Variants in XPR1 observed in about 807,000 individuals in gnomAD.
XPR1 encodes the protein solute carrier family 53 member 1.
XPR1 carries 28 observed loss-of-function variants against 87.5 expected under a neutral mutation model. The ratio of observed to expected loss-of-function variants is 0.32; its 90% CI spans 0.24 to 0.44. XPR1 has a LOEUF of 0.44. Among genes scored for constraint, XPR1 ranks in the 20% least tolerant of loss-of-function variants. XPR1 has a pLI of 1.00. For synonymous variants in XPR1, 300 were observed against 306.1 expected, an observed-to-expected ratio of 0.98 and a Z score of 0.21; for missense variants, 559 against 862.3, an observed-to-expected ratio of 0.65 and a Z score of 4.41.
chr1:180,826,170 T>G (rs1263948243), intron 9 of XPR1, among the ~76,000 whole-genome samples: 1 of 152,230 alleles, frequency 6.6e-6, no homozygotes, highest in African/African-American at 2.4e-5. Flanking sequence ...GAAATAAAAT[T>G]TCCTGCAAAA....
chr1:180,732,208 A>G (rs1343986718), intron 2 of XPR1, among the ~76,000 whole-genome samples: 1 of 151,676 alleles, frequency 6.6e-6, no homozygotes, highest in East Asian at 1.9e-4. Flanking sequence ...AAAAAAAAAA[A>G]AAGAAGTAAA....
chr1:180,685,422 A>T (rs145443087), intron 2 of XPR1, among the ~76,000 whole-genome samples: 3,091 of 152,278 alleles, frequency 0.02, 105 homozygotes, highest in African/African-American at 0.071. Context: ...ATCGATGTTC[A>T]TGAAGGATAT....
intron 7 of XPR1, among the ~76,000 whole-genome samples, chr1:180,813,520 A>T (rs188120705): frequency 3.3e-5 from 5 of 152,078 alleles, no homozygotes; most frequent in African/African-American, 1.2e-4. Context: ...AATTTTCTTG[A>T]TGCCTGGGCA....
chr1:180,769,069 G>GTTTT (rs151266690), intron 2 of XPR1, among the ~76,000 whole-genome samples: 2 of 150,794 alleles, frequency 1.3e-5, no homozygotes, highest in African/African-American at 4.9e-5. Flanking sequence ...ATCTATATCT[G>GTTTT]TTTTTTTTTA....
At chr1:180,718,018 A>T (rs185995560) in intron 2 of XPR1, among the ~76,000 whole-genome samples, 16 of 152,338 alleles carry the variant, frequency 1.1e-4, no homozygotes, top group African/African-American at 3.6e-4. Context: ...AGTTAATATA[A>T]TCTAAGGGTT....
chr1:180,776,510 A>G (rs1359774333), intron 2 of XPR1, among the ~76,000 whole-genome samples: 1 of 152,044 alleles, frequency 6.6e-6, no homozygotes, highest in Non-Finnish European at 1.5e-5. Flanking sequence ...AAGTCCTTGT[A>G]TTTTAAAATG....
At chr1:180,734,902 A>G (rs1658679226) in intron 2 of XPR1, among the ~76,000 whole-genome samples, 1 of 152,232 alleles carries the variant, frequency 6.6e-6, no homozygotes, top group South Asian at 2.1e-4. Flanking sequence ...TTGCCTTAGC[A>G]GCAAGGATGT....
chr1:180,801,384 C>T (rs562714944), intron 3 of XPR1, among the ~76,000 whole-genome samples: 14 of 152,108 alleles, frequency 9.2e-5, no homozygotes, highest in Admixed American at 2.0e-4. Flanking sequence ...AAAAGCAGGT[C>T]CCAGATGGGT....
intron 13 of XPR1, among the ~76,000 whole-genome samples, chr1:180,874,332 T>C (rs1395061409): frequency 3.3e-5 from 5 of 152,082 alleles, no homozygotes; most frequent in African/African-American, 1.2e-4. Context: ...TTTTTTGCAA[T>C]TTGGCAGTCT....
chr1:180,824,549 C>A (rs1303798383), intron 7 of XPR1, among the ~76,000 whole-genome samples: 1 of 152,044 alleles, frequency 6.6e-6, no homozygotes, highest in Non-Finnish European at 1.5e-5. Context: ...CCATTGCACT[C>A]CAGCCTGGCA....
chr1:180,808,361 A>C (rs941064987), intron 6 of XPR1, among the ~76,000 whole-genome samples: 2 of 152,222 alleles, frequency 1.3e-5, no homozygotes, highest in African/African-American at 4.8e-5. Flanking sequence ...ATCTAAATGA[A>C]AACTGGAAAC....
chr1:180,699,209 C>CTTTTTTTTTTTTT (rs1168669274), intron 2 of XPR1, among the ~76,000 whole-genome samples: 25 of 132,550 alleles, frequency 1.9e-4, no homozygotes, highest in Non-Finnish European at 2.9e-4. Context: ...TTTATTCTTT[C>CTTTTTTTTTTTTT]TTTTTTTTTT....
intron 2 of XPR1, among the ~76,000 whole-genome samples, chr1:180,783,451 A>G (rs1473104825): frequency 6.6e-6 from 1 of 152,058 alleles, no homozygotes; most frequent in Non-Finnish European, 1.5e-5. Context: ...ATAAGTGAAG[A>G]TAGCAAAATG....
At chr1:180,833,579 A>G (rs759772784) in intron 9 of XPR1, among the ~76,000 whole-genome samples, 1 of 152,220 alleles carries the variant, frequency 6.6e-6, no homozygotes, top group African/African-American at 2.4e-5. Flanking sequence ...ACAAAGATCA[A>G]AAGAGACAAG....
intron 1 of XPR1, among the ~76,000 whole-genome samples, chr1:180,650,737 A>G (rs1305295116): frequency 1.3e-5 from 2 of 152,140 alleles, no homozygotes; most frequent in African/African-American, 4.8e-5. Flanking sequence ...GCTGAAATTA[A>G]ATTTGTTGCA....
chr1:180,649,269 CA>C (rs59314765), intron 1 of XPR1, among the ~76,000 whole-genome samples: 182 of 140,358 alleles, frequency 1.3e-3, no homozygotes, highest in Admixed American at 1.5e-3. Flanking sequence ...ACTAAAAATA[CA>C]AAAAAAAAAA....
chr1:180,690,634 A>G (rs941905467), intron 2 of XPR1, among the ~76,000 whole-genome samples: 4 of 151,954 alleles, frequency 2.6e-5, no homozygotes, highest in African/African-American at 4.8e-5. Flanking sequence ...TAGTCACTTT[A>G]TATTGCTTCA....
rs1318764656 is a variant in XPR1 at position 180,824,931 on chromosome 1, A to G, written c.942A>G (p.Gln314=). 6 of 1,613,670 alleles carry G rather than the reference A, an allele frequency of 3.7e-6. No homozygotes were observed. The highest frequency in any genetic ancestry group is 2.7e-5 in the African/African-American group (2 of 74,896). The change falls in exon 8 of 15, where the codon CAA becomes CAG. Residue 314 remains glutamine, a synonymous_variant. Coordinates refer to ENST00000367590, the MANE Select transcript of XPR1 (RefSeq NM_004736.4). ...ATCCGAGAAGCAATTTGTCTCATCAACATCTCTTTGAGGTAATCAAAGCAA... is the reference window on the plus strand; with the variant it reads ...ATCCGAGAAGCAATTTGTCTCATCAGCATCTCTTTGAGGTAATCAAAGCAA... ...ELNPRSNLSH[Q]HLFEIAGFLG...
intron 2 of XPR1, among the ~76,000 whole-genome samples, chr1:180,740,513 C>T (rs1658881066): frequency 1.3e-5 from 2 of 152,050 alleles, no homozygotes; most frequent in African/African-American, 4.8e-5. Context: ...TCTACTCCCA[C>T]TAGGTTGTGG....
Sources: allele counts gnomAD v4.1 joint callset (sites outside exome capture counted in the v4.1 genomes callset), GRCh38; gene constraint gnomAD v4.1.1; transcripts MANE v1.5; gene names NCBI Gene and HGNC (gene_info 2026-07-23, HGNC 2026-07-21).